The following VAMP7 variants were observed in gnomAD, a reference collection of about 807,000 sequenced individuals.
The protein encoded by VAMP7 is vesicle associated membrane protein 7.
VAMP7 carries 14 observed loss-of-function variants against 29.6 expected under a neutral mutation model. The observed-to-expected ratio is 0.47, with a 90% CI of 0.31 to 0.74. VAMP7 has a LOEUF of 0.74. Ranked by LOEUF, VAMP7 falls within the 30% of genes least tolerant of loss-of-function variation. The pLI, the probability that VAMP7 is intolerant of heterozygous loss-of-function variation, is 0.05. For synonymous variants in VAMP7, 95 were observed against 88.1 expected (o/e 1.08, Z -0.44); for missense variants, 223 against 262.4 (o/e 0.85, Z 1.04).
Position 155,928,263 on chromosome X carries a change from T to G in VAMP7, c.501+8383T>G, listed in dbSNP as rs111362685. Among the ~76,000 whole-genome samples the G allele has an allele frequency of 2.8e-3, 429 of 152,288 alleles. 2 individuals carry two copies. The highest frequency in any genetic ancestry group is 4.5e-3 in the Non-Finnish European group (304 of 68,022). On this transcript the variant is annotated intron_variant, in intron 6 of 7. Transcript: ENST00000286448. ...TAAGAGTGTCTTTTTATATTTGGTT[T>G]TCAACTTTTTATATATGGTTATTAG... is the stretch of plus-strand genomic sequence containing the variant.
chrX:155,941,332 T>C (rs1289077079), intron 7 of VAMP7, among the ~76,000 whole-genome samples: 3 of 152,166 alleles, frequency 2.0e-5, no homozygotes, highest in Admixed American at 6.5e-5. Context: ...GCAGTGTTAC[T>C]TACATCATCT....
intron 1 of VAMP7, among the ~76,000 whole-genome samples, chrX:155,882,667 A>G (rs900059708): frequency 6.6e-6 from 1 of 152,212 alleles, no homozygotes; most frequent in African/African-American, 2.4e-5. Flanking sequence ...CAACTGCTTT[A>G]TCTTACTTAG....
intron 6 of VAMP7, among the ~76,000 whole-genome samples, chrX:155,927,566 TG>T (rs1356964138): frequency 2.8e-4 from 38 of 136,814 alleles, no homozygotes; most frequent in Admixed American, 2.6e-3. Context: ...TAATTCTTTC[TG>T]TGTCCTTTAT....
chrX:155,890,542 G>A (rs2065914999), intron 2 of VAMP7, among the ~76,000 whole-genome samples: 1 of 151,908 alleles, frequency 6.6e-6, no homozygotes, highest in Admixed American at 6.6e-5. Context: ...TGTATTTTTA[G>A]TAGAGTTGGG....
chrX:155,904,767 C>T (rs1427910400), intron 5 of VAMP7, among the ~76,000 whole-genome samples: 2 of 151,814 alleles, frequency 1.3e-5, no homozygotes, highest in Non-Finnish European at 2.9e-5. Context: ...ATACTTAATT[C>T]TTTTTTATGA....
intron 5 of VAMP7, among the ~76,000 whole-genome samples, chrX:155,914,766 G>A (rs2066287020): frequency 6.6e-6 from 1 of 152,142 alleles, no homozygotes; most frequent in Non-Finnish European, 1.5e-5. Context: ...CGATTTGCCA[G>A]TATTTTATTG....
At chrX:155,914,763 C>G (rs954114626) in intron 5 of VAMP7, among the ~76,000 whole-genome samples, 6 of 152,068 alleles carry the variant, frequency 3.9e-5, no homozygotes, top group Admixed American at 3.3e-4. Context: ...GTTCGATTTG[C>G]CAGTATTTTA....
intron 6 of VAMP7, among the ~76,000 whole-genome samples, 159 bp downstream of exon 6, chrX:155,920,039 A>G (rs1363214055): frequency 1.3e-5 from 2 of 152,188 alleles, no homozygotes; most frequent in Admixed American, 6.5e-5. Context: ...GAGGATAACA[A>G]TGAGGCATAG....
intron 5 of VAMP7, among the ~76,000 whole-genome samples, chrX:155,914,540 A>G (rs961539588): frequency 2.6e-5 from 4 of 152,190 alleles, no homozygotes; most frequent in East Asian, 1.9e-4. Flanking sequence ...CATTCCATCA[A>G]TACCTAGTTT....
In VAMP7 at chrX:155,896,902, C is replaced by G. The variant is rs376225467; in HGVS notation, c.205-1210C>G. On this transcript the variant is annotated intron_variant, in intron 3 of 7. Coordinates refer to ENST00000286448, the MANE Select transcript of VAMP7 (RefSeq NM_005638.6). The stretch of plus-strand genomic sequence containing the variant: ...TTTTTAATTTTCCTTTTCCAGAATG[C>G]TTTTAAATGTATAAAACACACACAA... Among the ~76,000 whole-genome samples, 487 of 151,886 alleles carry G rather than the reference C, an allele frequency of 3.2e-3. 1 individual carries two copies. The highest frequency in any genetic ancestry group is 0.011 in the African/African-American group (470 of 41,446).
intron 5 of VAMP7, among the ~76,000 whole-genome samples, chrX:155,906,272 C>T (rs372602234): frequency 4.3e-4 from 65 of 152,192 alleles, no homozygotes; most frequent in African/African-American, 1.3e-3. Context: ...TATATAAGTC[C>T]GGCCAGCTTT....
intron 5 of VAMP7, among the ~76,000 whole-genome samples, chrX:155,914,226 T>C (rs754326728): frequency 1.1e-4 from 17 of 152,334 alleles, no homozygotes; most frequent in Admixed American, 7.2e-4. Flanking sequence ...TCTGATACTT[T>C]GCTGAAGTTG....
intron 5 of VAMP7, among the ~76,000 whole-genome samples, chrX:155,901,878 C>T (rs962767399): frequency 6.6e-6 from 1 of 152,004 alleles, no homozygotes; most frequent in African/African-American, 2.4e-5. Context: ...TCCATATGAA[C>T]TTTAAAGTAG....
chrX:155,888,458 A>C (rs1411560396), intron 1 of VAMP7, among the ~76,000 whole-genome samples: 1 of 152,200 alleles, frequency 6.6e-6, no homozygotes, highest in African/African-American at 2.4e-5. Context: ...TTTGAGAACC[A>C]CTGGTATGTT....
At chrX:155,915,906 C>T (rs918329026) in intron 5 of VAMP7, among the ~76,000 whole-genome samples, 28 of 152,092 alleles carry the variant, frequency 1.8e-4, no homozygotes, top group Non-Finnish European at 3.8e-4. Context: ...GAGTTCAAGT[C>T]CTGAATATCC....
At chrX:155,900,446 C>T in intron 4 of VAMP7, 51 bp from the exon 5 acceptor site, 3 of 1,412,634 alleles carry the variant, frequency 2.1e-6, no homozygotes, top group Admixed American at 2.2e-5. Flanking sequence ...TTTTGTTTTC[C>T]TATTGTAAAT....
intron 6 of VAMP7, among the ~76,000 whole-genome samples, chrX:155,928,040 C>T (rs1303992106): frequency 6.6e-6 from 1 of 151,820 alleles, no homozygotes; most frequent in Non-Finnish European, 1.5e-5. Flanking sequence ...TGCCTTGCCT[C>T]AGCCTCCCAA....
intron 6 of VAMP7, among the ~76,000 whole-genome samples, chrX:155,936,847 T>A (rs2066666231): frequency 6.6e-6 from 1 of 152,184 alleles, no homozygotes; most frequent in African/African-American, 2.4e-5. Flanking sequence ...GGAAATTTTT[T>A]AAAAATCCCA....
intron 1 of VAMP7, among the ~76,000 whole-genome samples, chrX:155,884,176 G>A (rs924991065): frequency 6.6e-6 from 1 of 151,758 alleles, no homozygotes; most frequent in African/African-American, 2.4e-5. Context: ...TACCCAGGCT[G>A]GAGTGCAATG....
Sources: allele counts gnomAD v4.1 joint callset (sites outside exome capture counted in the v4.1 genomes callset), GRCh38; gene constraint gnomAD v4.1.1; transcripts MANE v1.5; gene names NCBI Gene and HGNC (gene_info 2026-07-23, HGNC 2026-07-21).